CSMD1: variants seen among roughly 807,000 people sequenced by gnomAD.
The protein encoded by CSMD1 is CUB and Sushi multiple domains 1, also known as CUB and sushi domain-containing protein 1.
Under a neutral mutation model 417.5 loss-of-function variants are expected in CSMD1, and 213 were observed. That is an observed-to-expected ratio of 0.51 (90% CI 0.46 to 0.57). The LOEUF (loss-of-function observed/expected upper bound fraction) is 0.57. Among genes scored for constraint, CSMD1 ranks in the 20% least tolerant of loss-of-function variants. The pLI is 0.00. For missense variants in CSMD1, 6,923 were observed against 4,529.7 expected (o/e 1.53, Z -15.17); for synonymous variants, 2,862 against 1,736.8 (o/e 1.65, Z -16.11).
At chr8:3,175,734 G>A (rs1288016204) in intron 37 of CSMD1, among the ~76,000 whole-genome samples, 2 of 152,004 alleles carry the variant, frequency 1.3e-5, no homozygotes, top group Non-Finnish European at 1.5e-5. Flanking sequence ...GTCTACTGCT[G>A]GGCTACTATG....
At chr8:4,837,803 T>C (rs1563547367) in intron 1 of CSMD1, among the ~76,000 whole-genome samples, 2 of 152,150 alleles carry the variant, frequency 1.3e-5, no homozygotes, top group Admixed American at 6.5e-5. Flanking sequence ...GGGATGGATA[T>C]ATCGTTCCCC....
intron 20 of CSMD1, among the ~76,000 whole-genome samples, chr8:3,365,192 C>A (rs1377522308): frequency 6.6e-6 from 1 of 152,116 alleles, no homozygotes; most frequent in African/African-American, 2.4e-5. Flanking sequence ...TATAAAGTGG[C>A]AAGTTTCATG....
At chr8:4,466,518 G>T (rs932116311) in intron 2 of CSMD1, among the ~76,000 whole-genome samples, 1 of 152,120 alleles carries the variant, frequency 6.6e-6, no homozygotes, top group African/African-American at 2.4e-5. Flanking sequence ...TGTTTAGAAG[G>T]CAATGGAAAG....
intron 5 of CSMD1, among the ~76,000 whole-genome samples, chr8:3,893,643 G>C (rs551053911): frequency 2.0e-5 from 3 of 151,866 alleles, no homozygotes; most frequent in African/African-American, 2.4e-5. Context: ...CTTGCTCTCA[G>C]TTAGGAGAGG....
intron 3 of CSMD1, among the ~76,000 whole-genome samples, chr8:4,223,380 A>G (rs936965862): frequency 6.6e-6 from 1 of 152,238 alleles, no homozygotes; most frequent in African/African-American, 2.4e-5. Flanking sequence ...CATCAAGTAA[A>G]TTCAGCTGCC....
At position 4,294,906 on chromosome 8, in the gene CSMD1, G is replaced by A. The variant is rs79491059; in HGVS notation, c.415+125047C>T. Among the ~76,000 whole-genome samples the A allele has an allele frequency of 1.1e-3, 171 of 151,734 alleles. 1 individual carries two copies. In the East Asian group the frequency reaches 0.029, roughly 26 times the overall value. On this transcript the variant is annotated intron_variant, in intron 3 of 69. Coordinates refer to ENST00000635120, the MANE Select transcript of CSMD1 (RefSeq NM_033225.6). Reference sequence around the variant, plus strand: ...AGCTGTCAATGTGTATGGAACGAAAGCCTCAGGTAACCATGTGGTCCTATT... The same window carrying A: ...AGCTGTCAATGTGTATGGAACGAAAACCTCAGGTAACCATGTGGTCCTATT...
intron 7 of CSMD1, among the ~76,000 whole-genome samples, chr8:3,667,053 T>G (rs1320171746): frequency 6.6e-6 from 1 of 152,150 alleles, no homozygotes; most frequent in African/African-American, 2.4e-5. Flanking sequence ...ATCCTTTCAT[T>G]CCTTCATTCT....
chr8:3,385,057 A>G (rs1810911217), intron 18 of CSMD1, among the ~76,000 whole-genome samples: 1 of 105,096 alleles, frequency 9.5e-6, no homozygotes, highest in African/African-American at 4.3e-5. Context: ...AATATATAAT[A>G]TATAATATAT....
intron 6 of CSMD1, among the ~76,000 whole-genome samples, chr8:3,739,790 G>T (rs1796700604): frequency 5.4e-5 from 1 of 18,548 alleles, no homozygotes; most frequent in South Asian, 5.9e-3. Context: ...AATGGAAAAA[G>T]GTAAAAAAAA....
chr8:4,845,612 G>T lies in CSMD1; in HGVS notation c.85+148720C>A, dbSNP rs894003740. Among the ~76,000 whole-genome samples, 3 of 152,280 alleles carry T rather than the reference G, an allele frequency of 2.0e-5. No individual in the cohort carries two copies. In the South Asian group the frequency reaches 6.2e-4, roughly 32 times the overall value. The stretch of plus-strand genomic sequence containing the variant: ...TTATTGGGTTCCTACCATGTGCCAG[G>T]CTCTCTTTTAGGAGCTTTGCATTCA... On this transcript the variant is annotated intron_variant, in intron 1 of 69. Transcript: ENST00000635120.
intron 5 of CSMD1, among the ~76,000 whole-genome samples, chr8:3,873,431 T>A (rs867452335): frequency 5.9e-5 from 9 of 152,244 alleles, no homozygotes; most frequent in Middle Eastern, 3.4e-3. Flanking sequence ...GAGGCCATTA[T>A]CTTTAGCAAA....
chr8:3,308,396 C>T lies in CSMD1; in HGVS notation c.3739G>A (p.Gly1247Arg). 6.2e-7 allele frequency: 1 copy of T among 1,613,804 alleles called. No individual in the cohort carries two copies. Among genetic ancestry groups the T allele is most frequent in the Non-Finnish European group, 8.5e-7 (1 of 1,179,826 alleles). The part of the protein sequence containing the change: ...DTVVLYSCNP[G>R]YAMHGSNTLT... ...GTGTTGCTGCCATGCATGGCGTACC[C>T]CGGGTTGCAACTGTACAGAACTACA... Residue 1247 changes from glycine (G) to arginine (R), a missense_variant, in exon 24 of 70, where the codon GGG becomes AGG. Gly to Arg is a moderately radical substitution (Grantham distance 125, BLOSUM62 -2). Transcript: ENST00000635120.
At chr8:3,463,924 G>C (rs570249205) in intron 12 of CSMD1, among the ~76,000 whole-genome samples, 115 of 152,282 alleles carry the variant, frequency 7.6e-4, no homozygotes, top group African/African-American at 2.7e-3. Flanking sequence ...CACAGACTGA[G>C]ATGCCTACAC....
intron 3 of CSMD1, among the ~76,000 whole-genome samples, chr8:4,142,596 A>G (rs1459720631): frequency 6.6e-6 from 1 of 151,238 alleles, no homozygotes; most frequent in Non-Finnish European, 1.5e-5. Flanking sequence ...GTTTTTTTCA[A>G]TTGCTAGCTT....
At chr8:4,269,965 G>A (rs1269121903) in intron 3 of CSMD1, among the ~76,000 whole-genome samples, 5 of 152,168 alleles carry the variant, frequency 3.3e-5, no homozygotes, top group South Asian at 2.1e-4. Context: ...CCTCTCTGAG[G>A]CACAGCAAAA....
chr8:4,405,560 A>C (rs1001127500), intron 3 of CSMD1, among the ~76,000 whole-genome samples: 1 of 152,226 alleles, frequency 6.6e-6, no homozygotes, highest in Non-Finnish European at 1.5e-5. Flanking sequence ...ATCACCATGG[A>C]TTCAGAAATA....
chr8:4,479,840 C>G (rs562993861), intron 2 of CSMD1, among the ~76,000 whole-genome samples: 11 of 151,858 alleles, frequency 7.2e-5, no homozygotes, highest in Non-Finnish European at 1.0e-4. Context: ...GGCGCCCACT[C>G]CTTTAGTTCC....
chr8:4,371,035 T>A (rs755741883), intron 3 of CSMD1, among the ~76,000 whole-genome samples: 2 of 152,204 alleles, frequency 1.3e-5, no homozygotes, highest in Non-Finnish European at 2.9e-5. Context: ...AGTGGTTCAT[T>A]CTCTTTTGTG....
intron 10 of CSMD1, among the ~76,000 whole-genome samples, chr8:3,517,615 C>G (rs1797335747): frequency 6.6e-6 from 1 of 152,184 alleles, no homozygotes. Flanking sequence ...ATAATATTTA[C>G]TATACGATTT....
Sources: gnomAD v4.1 joint callset for allele counts (sites outside exome capture counted in the v4.1 genomes callset) on GRCh38, gnomAD v4.1.1 for gene constraint, MANE v1.5 for transcripts, NCBI Gene and HGNC (gene_info 2026-07-23, HGNC 2026-07-21) for gene names.